ERC2: variants seen among roughly 807,000 people sequenced by gnomAD.
ERC2 encodes the protein ERC protein 2.
In ERC2, 42 loss-of-function variants were observed where a neutral mutation model predicts 114.8. That is an observed-to-expected ratio of 0.37 (90% CI 0.29 to 0.47). The LOEUF (loss-of-function observed/expected upper bound fraction) is 0.47. ERC2 is among the 20% of genes least tolerant of loss of function. The pLI, the probability that ERC2 is intolerant of heterozygous loss-of-function variation, is 0.99. For missense variants in ERC2, 939 were observed against 1,150.7 expected, an observed-to-expected ratio of 0.82 and a Z score of 2.66; for synonymous variants, 454 against 425.5, an observed-to-expected ratio of 1.07 and a Z score of -0.82.
intron 13 of ERC2, among the ~76,000 whole-genome samples, chr3:55,926,574 C>G (rs567775835): frequency 3.3e-5 from 5 of 152,172 alleles, no homozygotes; most frequent in Admixed American, 6.5e-5. Flanking sequence ...GACTACAGAA[C>G]AGTTGAACAC....
At chr3:55,934,673 G>C (rs2066326940) in intron 13 of ERC2, among the ~76,000 whole-genome samples, 1 of 151,998 alleles carries the variant, frequency 6.6e-6, no homozygotes, top group African/African-American at 2.4e-5. Context: ...TCCAGATCTA[G>C]ACAAAGAAAA....
chr3:56,169,020 C>G (rs2082476231), intron 4 of ERC2, among the ~76,000 whole-genome samples: 1 of 152,162 alleles, frequency 6.6e-6, no homozygotes, highest in African/African-American at 2.4e-5. Flanking sequence ...ACACAAGTGC[C>G]CTCGCTGACC....
At chr3:56,314,798 T>C (rs1019339129) in intron 2 of ERC2, among the ~76,000 whole-genome samples, 1 of 152,198 alleles carries the variant, frequency 6.6e-6, no homozygotes, top group Non-Finnish European at 1.5e-5. Flanking sequence ...CCAAAGAGGT[T>C]GACCACTGGT....
At chr3:55,771,652 C>G (rs1476180270) in intron 14 of ERC2, among the ~76,000 whole-genome samples, 1 of 152,168 alleles carries the variant, frequency 6.6e-6, no homozygotes, top group Non-Finnish European at 1.5e-5. Context: ...GCATGAGCCT[C>G]CTAATCAAAC....
At chr3:55,608,859 AT>A (rs1220230489) in intron 17 of ERC2, among the ~76,000 whole-genome samples, 5 of 152,228 alleles carry the variant, frequency 3.3e-5, no homozygotes, top group African/African-American at 1.2e-4. Context: ...ATTGGGATAA[AT>A]TTAGACACTG....
chr3:55,961,606 C>T (rs1027077420), intron 12 of ERC2, among the ~76,000 whole-genome samples: 10 of 152,176 alleles, frequency 6.6e-5, no homozygotes, highest in Non-Finnish European at 1.5e-4. Flanking sequence ...CAGATTTCTG[C>T]TGGTGACAAT....
chr3:55,788,391 C>T (rs1490682776), intron 14 of ERC2, among the ~76,000 whole-genome samples: 1 of 152,202 alleles, frequency 6.6e-6, no homozygotes, highest in Non-Finnish European at 1.5e-5. Context: ...GAACTCTCCC[C>T]TGTCTCTCCC....
intron 3 of ERC2, among the ~76,000 whole-genome samples, chr3:56,193,843 T>C (rs1297055305): frequency 6.6e-6 from 1 of 152,148 alleles, no homozygotes; most frequent in Non-Finnish European, 1.5e-5. Flanking sequence ...CTGGATCTCA[T>C]AGGGACAGCA....
intron 15 of ERC2, among the ~76,000 whole-genome samples, chr3:55,711,018 A>G (rs1416187530): frequency 6.6e-6 from 1 of 152,206 alleles, no homozygotes; most frequent in East Asian, 1.9e-4. Context: ...ACTGCAGATG[A>G]GTCCACCATG....
intron 10 of ERC2, among the ~76,000 whole-genome samples, chr3:55,994,984 C>T (rs185236384): frequency 6.6e-6 from 1 of 152,260 alleles, no homozygotes; most frequent in African/African-American, 2.4e-5. Flanking sequence ...TTACGACTGG[C>T]CTGGTATCTA....
chr3:55,583,126 C>T (rs2057342918), intron 17 of ERC2, among the ~76,000 whole-genome samples: 1 of 152,166 alleles, frequency 6.6e-6, no homozygotes, highest in Admixed American at 6.5e-5. Flanking sequence ...AATTGTTATG[C>T]TCTGTGGACC....
chr3:55,979,124 A>C (rs2069855004), intron 12 of ERC2, among the ~76,000 whole-genome samples: 1 of 152,202 alleles, frequency 6.6e-6, no homozygotes, highest in South Asian at 2.1e-4. Flanking sequence ...TCTGTGAGCA[A>C]CATATCATGC....
chr3:56,077,382 C>T (rs1315339492), intron 7 of ERC2, among the ~76,000 whole-genome samples: 1 of 152,178 alleles, frequency 6.6e-6, no homozygotes, highest in Non-Finnish European at 1.5e-5. Flanking sequence ...ATTTCCAAAC[C>T]CATTATCTAC....
At chr3:55,921,821 T>C (rs1271605155) in intron 13 of ERC2, among the ~76,000 whole-genome samples, 1 of 152,166 alleles carries the variant, frequency 6.6e-6, no homozygotes, top group Non-Finnish European at 1.5e-5. Flanking sequence ...TAATGGGACA[T>C]CTTAAAAACA....
Position 55,778,699 on chromosome 3 carries a change from G to A in ERC2, c.2565-43781C>T, listed in dbSNP as rs78919292. Among the ~76,000 whole-genome samples, 52 of 152,208 alleles carry A rather than the reference G, an allele frequency of 3.4e-4. No individual in the cohort carries two copies. In the East Asian group the frequency reaches 8.7e-3, roughly 25 times the overall value. ...AAAAGGTCTATCAGCCAGCAGAAAG[G>A]TACAAAGGGTATGTATCATTAGCCC... On this transcript the variant is annotated intron_variant, in intron 14 of 17. Coordinates refer to ENST00000288221, the MANE Select transcript of ERC2 (RefSeq NM_015576.3).
At chr3:56,429,227 C>T (rs534741751) in intron 2 of ERC2, among the ~76,000 whole-genome samples, 33 of 152,100 alleles carry the variant, frequency 2.2e-4, no homozygotes, top group Non-Finnish European at 4.3e-4. Flanking sequence ...AAAATAGGTT[C>T]ACTTTACTTC....
At chr3:55,528,978 C>G (rs1465015826) in intron 17 of ERC2, among the ~76,000 whole-genome samples, 3 of 152,170 alleles carry the variant, frequency 2.0e-5, no homozygotes, top group Non-Finnish European at 4.4e-5. Flanking sequence ...CAGTGGATCT[C>G]AGAGAGGCTA....
intron 14 of ERC2, among the ~76,000 whole-genome samples, chr3:55,781,283 T>C (rs2069019927): frequency 6.6e-6 from 1 of 152,082 alleles, no homozygotes; most frequent in African/African-American, 2.4e-5. Context: ...CTGAAAGCAA[T>C]ACTTGGACTG....
intron 7 of ERC2, among the ~76,000 whole-genome samples, chr3:56,056,551 A>C (rs1041619121): frequency 6.6e-6 from 1 of 152,182 alleles, no homozygotes; most frequent in African/African-American, 2.4e-5. Context: ...TGTATTATGT[A>C]TCATACATTA....
Sources: allele counts gnomAD v4.1 joint callset (sites outside exome capture counted in the v4.1 genomes callset), GRCh38; gene constraint gnomAD v4.1.1; transcripts MANE v1.5; gene names NCBI Gene and HGNC (gene_info 2026-07-23, HGNC 2026-07-21).